Variants in ATP13A3 observed in about 807,000 individuals in gnomAD.
ATP13A3 encodes ATPase 13A3.
In ATP13A3, 59 loss-of-function variants were observed where a neutral mutation model predicts 158.1. The ratio of observed to expected loss-of-function variants is 0.37; its 90% confidence interval spans 0.30 to 0.46. The LOEUF is 0.46. Ranked by LOEUF, ATP13A3 falls within the 20% of genes least tolerant of loss-of-function variation. The pLI, the probability that ATP13A3 is intolerant of heterozygous loss-of-function variation, is 1.00. For synonymous variants in ATP13A3, 491 were observed against 504.3 expected (o/e 0.97, Z 0.35); for missense variants, 1,166 against 1,525.2 (o/e 0.76, Z 3.92).
intron 2 of ATP13A3, among the ~76,000 whole-genome samples, chr3:194,473,550 C>T (rs752275894): frequency 1.3e-4 from 20 of 151,662 alleles, no homozygotes; most frequent in Non-Finnish European, 2.4e-4. Flanking sequence ...TCTGTCCTAC[C>T]TTTTTAAAAA....
Position 194,403,766 on chromosome 3 carries a change from A to G in ATP13A3, c.*2153T>C, listed in dbSNP as rs1714759872. The G allele has an allele frequency of 4.9e-6, 1 of 204,414 alleles. No homozygotes were observed. Among genetic ancestry groups the G allele is most frequent in the Non-Finnish European group, 1.0e-5 (1 of 100,186 alleles). The allele number at this position is 204,414 out of a possible 1,614,324, so 12.7% of individuals were successfully genotyped here. ...ACCTGGCTTCACAGGCATTCTTCAA[A>G]TAACATTCTCAACGTGAATAACCCA... On this transcript the variant is annotated 3_prime_UTR_variant, in exon 34 of 34. Transcript: ENST00000645319.
chr3:194,480,630 T>C (rs1720711363), intron 2 of ATP13A3, among the ~76,000 whole-genome samples: 2 of 152,182 alleles, frequency 1.3e-5, no homozygotes, highest in East Asian at 1.9e-4. Context: ...TTATACTAGA[T>C]CTTTTTGTGG....
chr3:194,419,628 T>C (rs1252071917), intron 31 of ATP13A3, among the ~76,000 whole-genome samples: 1 of 152,128 alleles, frequency 6.6e-6, no homozygotes, highest in Non-Finnish European at 1.5e-5. Flanking sequence ...GGATCAACGT[T>C]TTTTTATGTT....
intron 16 of ATP13A3, 73 bp from the exon 17 acceptor site, chr3:194,439,045 G>C (rs1717864022): frequency 1.0e-6 from 1 of 962,232 alleles, no homozygotes; most frequent in Non-Finnish European, 1.5e-6. Flanking sequence ...CTGAATTCAT[G>C]GTTCCATTTT....
At chr3:194,481,108 G>A (rs954647597) in intron 2 of ATP13A3, among the ~76,000 whole-genome samples, 1 of 152,082 alleles carries the variant, frequency 6.6e-6, no homozygotes, top group Non-Finnish European at 1.5e-5. Context: ...CCCATGAGCA[G>A]TGATTGCACT....
At position 194,433,775 on chromosome 3, in the gene ATP13A3, T is replaced by C. The variant is rs777426658; in HGVS notation, c.2242A>G (p.Thr748Ala). 1 of 1,614,062 alleles carries C rather than the reference T, an allele frequency of 6.2e-7. No homozygotes were observed. The highest frequency in any genetic ancestry group is 8.5e-7 in the Non-Finnish European group (1 of 1,179,974). Residue 748 changes from threonine (T) to alanine (A), a missense_variant, in exon 21 of 34, where the codon ACA becomes GCA. Physicochemically the swap from Thr to Ala is moderately conservative, Grantham distance 58 (BLOSUM62 0). Transcript: ENST00000645319. The part of the protein sequence containing the change: ...HKANIRTVMV[T>A]GDSMLTAVSV... ...GTGTTCTTTTATAAAGTCTAACCTG[T>C]GACCATGACGGTGCGAATGTTGGCT...
chr3:194,410,755 C>T (rs888145201), intron 33 of ATP13A3, among the ~76,000 whole-genome samples: 1 of 152,102 alleles, frequency 6.6e-6, no homozygotes, highest in African/African-American at 2.4e-5. Context: ...CATGCAATTT[C>T]TTGTTCAGAT....
chr3:194,421,101 C>A, intron 30 of ATP13A3, among the ~76,000 whole-genome samples: 2 of 29,750 alleles, frequency 6.7e-5, no homozygotes, highest in Non-Finnish European at 5.9e-5. Flanking sequence ...TTATATATAC[C>A]AGTGTGTAGG....
upstream of ATP13A3, among the ~76,000 whole-genome samples, chr3:194,490,532 CCTT>C (rs1406754266): frequency 1.3e-5 from 2 of 152,220 alleles, no homozygotes; most frequent in African/African-American, 2.4e-5. This position sits in a 1 kb window ranked among gnomAD's most constrained non-coding sequence, Gnocchi z 4.4. Flanking sequence ...CTTCCTCTGT[CCTT>C]CTCTAAATGT....
At chr3:194,422,046 T>C (rs1716428799) in intron 30 of ATP13A3, among the ~76,000 whole-genome samples, 1 of 151,754 alleles carries the variant, frequency 6.6e-6, no homozygotes, top group African/African-American at 2.4e-5. Flanking sequence ...GAGCCACCTC[T>C]TGGATCCCAC....
chr3:194,460,754 G>A lies in ATP13A3; in HGVS notation c.129C>T (p.Leu43=). 6.2e-7 allele frequency: 1 copy of A among 1,614,068 alleles called. No homozygotes were observed. The highest frequency in any genetic ancestry group is 8.5e-7 in the Non-Finnish European group (1 of 1,179,986). ...SLGVICSGGF[L]LLLLYWMPEW... ...CAGGCATCCAATAGAGGAGGAGGAG[G>A]AGAAACCCACCAGAGCAAATCACTC... The change falls in exon 4 of 34, where the codon CTC becomes CTT. Residue 43 remains leucine (L), a synonymous_variant. Coordinates refer to ENST00000645319, the MANE Select transcript of ATP13A3 (RefSeq NM_001367549.1).
chr3:194,431,252 A>G (rs763125899), intron 22 of ATP13A3, 26 bp from the exon 23 acceptor site: 2 of 1,558,968 alleles, frequency 1.3e-6, no homozygotes, highest in East Asian at 4.6e-5. Context: ...ATTGGGAACA[A>G]TATTTAGGCA....
chr3:194,454,329 A>G lies in ATP13A3; in HGVS notation c.694T>C (p.Tyr232His), dbSNP rs1719041007. 1 of 1,607,564 alleles carries G rather than the reference A, an allele frequency of 6.2e-7. No individual in the cohort carries two copies. The highest frequency in any genetic ancestry group is 1.3e-5 in the African/African-American group (1 of 74,934). The change falls in exon 9 of 34, where the codon TAT becomes CAT. Residue 232 changes from tyrosine to histidine, a missense_variant. Physicochemically the swap from Tyr to His is moderately conservative, Grantham distance 83 (BLOSUM62 2). Transcript: ENST00000645319. The stretch of plus-strand genomic sequence containing the variant: ...ACCACAATAGCTAGAGCATAGTAAT[A>G]GTATTCATCAGTGCTCCACAGTATA... ...SVILWSTDEY[Y>H]YYALAIVVMS...
chr3:194,473,779 C>G (rs192988049), intron 2 of ATP13A3, among the ~76,000 whole-genome samples: 24 of 152,188 alleles, frequency 1.6e-4, no homozygotes, highest in African/African-American at 5.3e-4. Context: ...TAGAACCCAC[C>G]TGAACGTCCA....
chr3:194,461,190 CTT>C (rs985155805), intron 3 of ATP13A3, among the ~76,000 whole-genome samples: 1 of 150,616 alleles, frequency 6.6e-6, no homozygotes, highest in African/African-American at 2.4e-5. Flanking sequence ...ATGAGGTGGG[CTT>C]TTTTTTTAAA....
At chr3:194,410,358 T>C (rs1255398760) in intron 33 of ATP13A3, among the ~76,000 whole-genome samples, 4 of 128,818 alleles carry the variant, frequency 3.1e-5, no homozygotes, top group Non-Finnish European at 6.3e-5. Flanking sequence ...GGCATGCACC[T>C]GTAGTTCCAT....
chr3:194,410,823 G>A (rs1173441788), intron 33 of ATP13A3, among the ~76,000 whole-genome samples: 1 of 149,842 alleles, frequency 6.7e-6, no homozygotes, highest in African/African-American at 2.5e-5. Context: ...CCTAGGCCTA[G>A]GAATACAATA....
At chr3:194,420,199 A>T in intron 30 of ATP13A3, 1 of 246,200 alleles carries the variant, frequency 4.1e-6, no homozygotes, top group Non-Finnish European at 7.4e-6. Context: ...CATTAACTTT[A>T]ACCGTGAAAG....
At chr3:194,492,740 G>GCC in intron 2 of ATP13A3, among the ~76,000 whole-genome samples, 1 of 152,220 alleles carries the variant, frequency 6.6e-6, no homozygotes, top group Non-Finnish European at 1.5e-5. Flanking sequence ...ACAGGCATGA[G>GCC]CCACCACAAC....
Sources: allele counts gnomAD v4.1 joint callset (sites outside exome capture counted in the v4.1 genomes callset), GRCh38; gene constraint gnomAD v4.1.1; non-coding constraint Gnocchi (gnomAD v3.1); transcripts MANE v1.5; gene names NCBI Gene and HGNC (gene_info 2026-07-23, HGNC 2026-07-21).